The following KIAA1217 variants were observed in gnomAD, a reference collection of about 807,000 sequenced individuals.
KIAA1217 encodes the protein sickle tail protein homolog.
In KIAA1217, 88 loss-of-function variants were observed where a neutral mutation model predicts 163.9. The observed-to-expected ratio is 0.54, with a 90% confidence interval of 0.45 to 0.64. KIAA1217 has a LOEUF of 0.64. KIAA1217 is among the 30% of genes least tolerant of loss of function. KIAA1217 has a pLI of 0.00. For missense variants in KIAA1217, 2,372 were observed against 2,475.0 expected (o/e 0.96, Z 0.88); for synonymous variants, 903 against 923.1 (o/e 0.98, Z 0.39).
At chr10:23,929,015 T>C (rs73604436) in intron 1 of KIAA1217, among the ~76,000 whole-genome samples, 2,959 of 152,148 alleles carry the variant, frequency 0.019, 101 homozygotes, top group African/African-American at 0.068. Context: ...CTTGGCATGA[T>C]AGAGGACCAG....
At chr10:23,864,071 AG>A (rs1840071221) in intron 1 of KIAA1217, among the ~76,000 whole-genome samples, 3 of 125,114 alleles carry the variant, frequency 2.4e-5, no homozygotes, top group Non-Finnish European at 4.8e-5. Flanking sequence ...CTTGTAAAGT[AG>A]TTATTATTAT....
chr10:23,734,978 T>G (rs1450582856), intron 1 of KIAA1217, among the ~76,000 whole-genome samples: 2 of 152,094 alleles, frequency 1.3e-5, no homozygotes, highest in Admixed American at 1.3e-4. Flanking sequence ...TTTCCTTCCA[T>G]AAGCCCCAGT....
At chr10:23,893,740 AT>A (rs1305317491) in intron 1 of KIAA1217, among the ~76,000 whole-genome samples, 5 of 152,080 alleles carry the variant, frequency 3.3e-5, no homozygotes, top group African/African-American at 1.2e-4. Flanking sequence ...AAAATCCTCA[AT>A]AAAATACTGG....
At chr10:23,971,080 T>C (rs1845295710) in intron 1 of KIAA1217, among the ~76,000 whole-genome samples, 1 of 152,264 alleles carries the variant, frequency 6.6e-6, no homozygotes, top group East Asian at 1.9e-4. Context: ...CATGTTGGCA[T>C]ACTCCAGGGT....
At chr10:24,203,956 G>A (rs1000780549), upstream of KIAA1217, among the ~76,000 whole-genome samples, 3 of 152,224 alleles carry the variant, frequency 2.0e-5, no homozygotes, top group African/African-American at 7.2e-5. Context: ...CCACAGTGCT[G>A]TGCACACGGG....
chr10:23,735,137 G>T (rs565309748), intron 1 of KIAA1217, among the ~76,000 whole-genome samples: 1 of 152,188 alleles, frequency 6.6e-6, no homozygotes, highest in South Asian at 2.1e-4. Context: ...CACATCTAAG[G>T]ATTTCTCTAA....
rs375374487 is a variant in KIAA1217 at position 24,546,303 on chromosome 10, C to T, written c.5811C>T (p.Ser1937=). 1.0e-5 allele frequency: 16 copies of T among 1,603,630 alleles called. No individual in the cohort carries two copies. In the African/African-American group the frequency reaches 1.7e-4, roughly 18 times the overall value. ...GAAGTTCAAGCAAAGCCACCCCATC[C>T]ACAGCAAAAGAAACCTCTTAAAGGT... ...QNGSSSKATP[S]TAKETS Residue 1937 remains serine, a synonymous_variant, in exon 21 of 21, where the codon TCC becomes TCT. Coordinates refer to ENST00000376454, the MANE Select transcript of KIAA1217 (RefSeq NM_019590.5).
In KIAA1217 at chr10:24,539,290, G is replaced by A. The variant is rs550977745; in HGVS notation, c.3534+2397G>A. ...ATCACCCAAGCTGGAGTGCAATGGC[G>A]CCATCTCAGCTCACTGCAACCTCCC... On this transcript the variant is annotated intron_variant, in intron 17 of 20. Transcript: ENST00000376454. Among the ~76,000 whole-genome samples the A allele has an allele frequency of 1.4e-4, 21 of 151,810 alleles. No individual in the cohort carries two copies. The South Asian group carries it at 2.5e-3, about 18-fold the overall frequency.
At chr10:23,805,237 C>T (rs1327413113) in intron 1 of KIAA1217, among the ~76,000 whole-genome samples, 1 of 152,056 alleles carries the variant, frequency 6.6e-6, no homozygotes, top group Non-Finnish European at 1.5e-5. Context: ...TGCAGCACTC[C>T]TCACAATAGC....
intron 5 of KIAA1217, among the ~76,000 whole-genome samples, chr10:24,447,420 T>A (rs7090278): frequency 1.0e-3 from 153 of 152,200 alleles, no homozygotes; most frequent in African/African-American, 3.6e-3. Flanking sequence ...CGGTGTGTGA[T>A]GTTCCCCACC....
intron 1 of KIAA1217, among the ~76,000 whole-genome samples, chr10:23,881,150 G>A (rs1840932927): frequency 1.3e-5 from 2 of 151,244 alleles, no homozygotes; most frequent in Non-Finnish European, 2.9e-5. Context: ...ATGGTGTGAA[G>A]AAAGTGTCTG....
chr10:24,245,769 C>A (rs1305009876), intron 2 of KIAA1217, among the ~76,000 whole-genome samples: 1 of 151,684 alleles, frequency 6.6e-6, no homozygotes, highest in Non-Finnish European at 1.5e-5. Flanking sequence ...GTAGCTGGGA[C>A]TGCAGGCATG....
intron 1 of KIAA1217, among the ~76,000 whole-genome samples, chr10:23,956,797 CT>C (rs1255063465): frequency 1.3e-5 from 2 of 152,082 alleles, no homozygotes; most frequent in Non-Finnish European, 2.9e-5. Context: ...AGGTGCAAGG[CT>C]TTTTAAACAA....
In KIAA1217 at chr10:23,811,405, A is replaced by G. The variant is rs528500223; in HGVS notation, c.-321+116171A>G. Reference sequence around the variant, plus strand: ...AGAAGGGAGTGGGACTGGAGAGGGAAAAAAGGGGAACTCAGTTTTGGCCAA... The same window carrying G: ...AGAAGGGAGTGGGACTGGAGAGGGAGAAAAGGGGAACTCAGTTTTGGCCAA... On this transcript the variant is annotated intron_variant, in intron 1 of 18. Coordinates refer to the KIAA1217 transcript ENST00000376462. Among the ~76,000 whole-genome samples the G allele has an allele frequency of 2.0e-5, 3 of 151,010 alleles. No individual in the cohort carries two copies. The East Asian group carries it at 5.8e-4, about 29-fold the overall frequency.
intron 2 of KIAA1217, among the ~76,000 whole-genome samples, chr10:24,347,274 G>C (rs910194669): frequency 9.2e-5 from 14 of 152,122 alleles, no homozygotes; most frequent in African/African-American, 3.1e-4. Flanking sequence ...TGAGGTGTGG[G>C]TTTATATTCT....
chr10:24,149,238 C>CA (rs2064484893), intron 2 of KIAA1217, among the ~76,000 whole-genome samples: 1 of 152,092 alleles, frequency 6.6e-6, no homozygotes, highest in South Asian at 2.1e-4. Flanking sequence ...GGAATGCAGT[C>CA]ACACAATCTC....
intron 1 of KIAA1217, among the ~76,000 whole-genome samples, chr10:23,769,837 C>A (rs1834717256): frequency 6.6e-6 from 1 of 152,180 alleles, no homozygotes; most frequent in South Asian, 2.1e-4. Context: ...CTACATCATT[C>A]TTTCATTCCA....
chr10:24,523,125 C>A (rs975677791), intron 12 of KIAA1217, among the ~76,000 whole-genome samples: 1 of 152,194 alleles, frequency 6.6e-6, no homozygotes, highest in Non-Finnish European at 1.5e-5. Context: ...GCACTCCAGC[C>A]TGGGTGACAG....
intron 1 of KIAA1217, among the ~76,000 whole-genome samples, chr10:23,767,997 T>C (rs1456175616): frequency 6.6e-6 from 1 of 152,176 alleles, no homozygotes; most frequent in Non-Finnish European, 1.5e-5. Context: ...CTGGTTGCCC[T>C]TAGGGCCAGG....
Sources: allele counts gnomAD v4.1 joint callset (sites outside exome capture counted in the v4.1 genomes callset), GRCh38; gene constraint gnomAD v4.1.1; transcripts MANE v1.5; gene names NCBI Gene and HGNC (gene_info 2026-07-23, HGNC 2026-07-21).